CDC42BPB: variants seen among roughly 807,000 people sequenced by gnomAD.
CDC42BPB encodes CDC42 binding protein kinase beta, also known as serine/threonine-protein kinase MRCK beta.
Under a neutral mutation model 214.9 loss-of-function variants are expected in CDC42BPB, and 37 were observed. That is an observed-to-expected ratio of 0.17 (90% CI 0.13 to 0.23). The LOEUF (loss-of-function observed/expected upper bound fraction) is 0.23, where lower values mean the gene tolerates loss of function less well. Among genes scored for constraint, CDC42BPB ranks in the 10% least tolerant of loss-of-function variants. CDC42BPB has a pLI of 1.00. For synonymous variants in CDC42BPB, 931 were observed against 884.0 expected (o/e 1.05, Z -0.94); for missense variants, 1,694 against 2,227.0 (o/e 0.76, Z 4.82).
chr14:102,939,606 G>C lies in CDC42BPB; in HGVS notation c.4827+4C>G, dbSNP rs572199745. 1 of 1,606,186 alleles carries C rather than the reference G, an allele frequency of 6.2e-7. No individual in the cohort carries two copies. The highest frequency in any genetic ancestry group is 8.5e-7 in the Non-Finnish European group (1 of 1,172,968). On this transcript the variant is annotated splice_donor_region_variant and intron_variant, in intron 34 of 36. Transcript: ENST00000361246. Reference sequence around the variant, plus strand: ...TGCCCGCCCTATCCCGGCCGTGCACGCACCAGAGGCAGGTCCATGAGCACC... The same window carrying C: ...TGCCCGCCCTATCCCGGCCGTGCACCCACCAGAGGCAGGTCCATGAGCACC...
chr14:102,997,725 G>C (rs898723901), intron 5 of CDC42BPB, among the ~76,000 whole-genome samples: 2 of 152,226 alleles, frequency 1.3e-5, no homozygotes, highest in African/African-American at 4.8e-5. Flanking sequence ...TCCAGAGAAA[G>C]CAGAAGTTTA....
chr14:103,051,922 C>T (rs903583338), intron 1 of CDC42BPB, among the ~76,000 whole-genome samples: 14 of 152,034 alleles, frequency 9.2e-5, no homozygotes, highest in Admixed American at 6.6e-4. Flanking sequence ...CTCAGCTCAC[C>T]GCAACCTCTG....
At chr14:103,023,918 C>A (rs1433681724) in intron 1 of CDC42BPB, among the ~76,000 whole-genome samples, 3 of 152,184 alleles carry the variant, frequency 2.0e-5, no homozygotes, top group African/African-American at 7.2e-5. Context: ...CCAGAGGGAG[C>A]CCCCATGTCA....
chr14:102,986,367 T>C lies in CDC42BPB; in HGVS notation c.690+120A>G, dbSNP rs1189405191. On this transcript the variant is annotated intron_variant, in intron 6 of 36. Transcript: ENST00000361246. ...CAGAAAATTTCAACTATCTCCAAAA[T>C]GGATTCATTTTCTGAATTAATATAC... 3 of 632,596 alleles carry C rather than the reference T, an allele frequency of 4.7e-6. 1 individual carries two copies. The highest frequency in any genetic ancestry group is 2.6e-4 in the Middle Eastern group (1 of 3,814). 39.2% of individuals were successfully genotyped at this position (632,596 alleles called of 1,614,324 possible). A position where few individuals can be genotyped will look rare whatever the true frequency, so the allele number is the denominator to read the frequency against.
intron 1 of CDC42BPB, among the ~76,000 whole-genome samples, chr14:103,031,501 C>T (rs17101221): frequency 0.034 from 5,165 of 152,272 alleles, 273 homozygotes; most frequent in African/African-American, 0.12. Context: ...GCTACAAGAG[C>T]TGTCAAAAAT....
At position 102,954,619 on chromosome 14, in the gene CDC42BPB, C is replaced by T; in HGVS notation, c.2971G>A (p.Ala991Thr). 1 of 1,613,716 alleles carries T rather than the reference C, an allele frequency of 6.2e-7. No individual in the cohort carries two copies. The highest frequency in any genetic ancestry group is 8.5e-7 in the Non-Finnish European group (1 of 1,179,728). The change falls in exon 22 of 37, where the codon GCA becomes ACA. Residue 991 changes from alanine (A) to threonine (T), a missense_variant. Coordinates refer to ENST00000361246, the MANE Select transcript of CDC42BPB (RefSeq NM_006035.4). ...PEASPSMSVA[A>T]SEQQEDMARP... Reference sequence around the variant, plus strand: ...TGTCTCACCTCCTGCTGCTCTGATGCAGCCACAGACATCGACGGGGACGCT... The same window carrying T: ...TGTCTCACCTCCTGCTGCTCTGATGTAGCCACAGACATCGACGGGGACGCT...
intron 1 of CDC42BPB, among the ~76,000 whole-genome samples, chr14:103,024,580 T>C (rs539790103): frequency 6.6e-6 from 1 of 152,334 alleles, no homozygotes; most frequent in South Asian, 2.1e-4. Context: ...CACCAAACTC[T>C]TAGGATTAAT....
At chr14:103,032,566 A>C (rs1887447017) in intron 1 of CDC42BPB, among the ~76,000 whole-genome samples, 1 of 150,198 alleles carries the variant, frequency 6.7e-6, no homozygotes, top group Non-Finnish European at 1.5e-5. Context: ...AGGAGAGAGA[A>C]AGAGCTTACA....
intron 20 of CDC42BPB, among the ~76,000 whole-genome samples, chr14:102,961,823 G>A (rs999398154): frequency 2.0e-5 from 3 of 152,162 alleles, no homozygotes; most frequent in East Asian, 3.8e-4. Context: ...GATTACAGGC[G>A]TGAGCCACCG....
intron 3 of CDC42BPB, among the ~76,000 whole-genome samples, chr14:103,005,355 C>G (rs1202244352): frequency 2.6e-5 from 4 of 152,214 alleles, no homozygotes; most frequent in Admixed American, 1.3e-4. Context: ...TCAGCTGAGT[C>G]TCACAGTGAC....
intron 2 of CDC42BPB, among the ~76,000 whole-genome samples, chr14:103,009,428 T>C (rs575559268): frequency 1.3e-5 from 2 of 152,162 alleles, no homozygotes; most frequent in Admixed American, 6.5e-5. Flanking sequence ...TGTACAGATA[T>C]GGACTCTGAG....
intron 1 of CDC42BPB, 137 bp downstream of exon 1, chr14:103,056,862 G>A (rs565408034): frequency 5.5e-6 from 3 of 544,552 alleles, no homozygotes; most frequent in South Asian, 3.1e-5. Context: ...CAGAGCGAGA[G>A]GAGGCGAAGC....
At chr14:102,956,412 A>G in intron 21 of CDC42BPB, 2 of 980,420 alleles carry the variant, frequency 2.0e-6, no homozygotes, top group Non-Finnish European at 2.4e-6. Context: ...TGTTTCATGC[A>G]GGCAGCGTGG....
intron 1 of CDC42BPB, among the ~76,000 whole-genome samples, chr14:103,016,457 C>A (rs1334729337): frequency 8.4e-6 from 1 of 118,834 alleles, no homozygotes; most frequent in Non-Finnish European, 1.8e-5. Flanking sequence ...GTGAGGAGGA[C>A]ATCAGTGCCG....
chr14:102,941,634 T>A, intron 30 of CDC42BPB: 1 of 850,592 alleles, frequency 1.2e-6, no homozygotes, highest in Non-Finnish European at 1.4e-6. Context: ...GGAAGAAGTC[T>A]AGTTTGCTGA....
At chr14:102,955,369 G>A (rs927351557) in intron 21 of CDC42BPB, among the ~76,000 whole-genome samples, 20 of 152,170 alleles carry the variant, frequency 1.3e-4, no homozygotes, top group South Asian at 2.1e-4. Context: ...GCAGTGAGCC[G>A]AGATCAAGTC....
intron 33 of CDC42BPB, 43 bp from the exon 34 acceptor site, chr14:102,939,770 A>C (rs374818759): frequency 1.4e-5 from 22 of 1,614,018 alleles, no homozygotes; most frequent in Non-Finnish European, 1.9e-5. Flanking sequence ...ATACGTGAGA[A>C]TCCTCTTGGC....
rs558632088 is a variant in CDC42BPB at position 102,945,345 on chromosome 14, A to T, written c.3811+317T>A. 1.2e-3 allele frequency: 567 copies of T among 490,868 alleles called. 6 individuals are homozygous for T. The highest frequency in any genetic ancestry group is 5.8e-3 in the Middle Eastern group (19 of 3,250). The allele number at this position is 490,868 out of a possible 1,614,324, so 30.4% of individuals were successfully genotyped here. A position where few individuals can be genotyped will look rare whatever the true frequency, so the allele number is the denominator to read the frequency against. The stretch of plus-strand genomic sequence containing the variant: ...GGAAGACTGAAGTGTCAAAATTGGA[A>T]GCAAAGAAACTAAAGCTTCTCAAGT... On this transcript the variant is annotated intron_variant, in intron 29 of 36. Coordinates refer to ENST00000361246, the MANE Select transcript of CDC42BPB (RefSeq NM_006035.4).
chr14:103,023,680 T>G (rs530378320), intron 1 of CDC42BPB, among the ~76,000 whole-genome samples: 1 of 152,184 alleles, frequency 6.6e-6, no homozygotes, highest in Non-Finnish European at 1.5e-5. Context: ...TTTTTTTAAC[T>G]GATTTTCGAG....
Sources: gnomAD v4.1 joint callset for allele counts (sites outside exome capture counted in the v4.1 genomes callset) on GRCh38, gnomAD v4.1.1 for gene constraint, MANE v1.5 for transcripts, NCBI Gene and HGNC (gene_info 2026-07-23, HGNC 2026-07-21) for gene names.